The following FAM171A1 variants were observed in gnomAD, a reference collection of about 807,000 sequenced individuals.
FAM171A1 encodes the protein protein FAM171A1.
Under a neutral mutation model 74.9 loss-of-function variants are expected in FAM171A1, and 23 were observed. That is an observed-to-expected ratio of 0.31 (90% CI 0.22 to 0.44). The LOEUF (loss-of-function observed/expected upper bound fraction) is 0.44, where lower values mean the gene tolerates loss of function less well. Ranked by LOEUF, FAM171A1 falls within the 20% of genes least tolerant of loss-of-function variation. The pLI, the probability that FAM171A1 is intolerant of heterozygous loss-of-function variation, is 1.00. For missense variants in FAM171A1, 1,162 were observed against 1,159.2 expected, an observed-to-expected ratio of 1.00 and a Z score of -0.03; for synonymous variants, 527 against 505.7, an observed-to-expected ratio of 1.04 and a Z score of -0.57.
chr10:15,317,543 C>T (rs552779664), intron 1 of FAM171A1, among the ~76,000 whole-genome samples: 105 of 151,050 alleles, frequency 7.0e-4, no homozygotes, highest in African/African-American at 2.3e-3. Flanking sequence ...TACAGGCATG[C>T]GCCACCACGC....
At position 15,213,061 on chromosome 10, in the gene FAM171A1, G is replaced by C; in HGVS notation, c.2527C>G (p.Pro843Ala). 1 of 1,613,702 alleles carries C rather than the reference G, an allele frequency of 6.2e-7. No homozygotes were observed. The highest frequency in any genetic ancestry group is 8.5e-7 in the Non-Finnish European group (1 of 1,179,902). Residue 843 changes from proline to alanine, a missense_variant, in exon 8 of 8, where the codon CCC becomes GCC. Pro to Ala is a conservative substitution (Grantham distance 27). Coordinates refer to ENST00000378116, the MANE Select transcript of FAM171A1 (RefSeq NM_001010924.2). The surrounding 1 kb of genome is among the most constrained non-coding windows in gnomAD (Gnocchi z 6.8). Reference protein sequence around the residue: ...EETTRRTADAPSEPAASPHQR... With the variant: ...EETTRRTADAASEPAASPHQR... ...TGGGGGCTGGCTGCTGGCTCCGAGG[G>C]GGCATCCGCAGTCCGTCTGGTCGTC... is the stretch of plus-strand genomic sequence containing the variant.
intron 1 of FAM171A1, among the ~76,000 whole-genome samples, chr10:15,311,678 G>GGGA (rs1314630203): frequency 5.3e-5 from 8 of 151,922 alleles, no homozygotes; most frequent in African/African-American, 1.9e-4. Context: ...CACCCCACCT[G>GGGA]GGAGGCATAG....
intron 1 of FAM171A1, among the ~76,000 whole-genome samples, chr10:15,304,353 T>C (rs1187216660): frequency 6.6e-6 from 1 of 152,138 alleles, no homozygotes; most frequent in Non-Finnish European, 1.5e-5. Context: ...TCGGTGAGCA[T>C]GACTTTCACC....
intron 1 of FAM171A1, among the ~76,000 whole-genome samples, chr10:15,298,989 C>T (rs188127463): frequency 2.3e-4 from 35 of 152,250 alleles, no homozygotes; most frequent in African/African-American, 6.7e-4. Context: ...GGCATGATCT[C>T]GGCTCACTGC....
chr10:15,372,857 A>G (rs1418794262), upstream of FAM171A1, among the ~76,000 whole-genome samples: 1 of 151,970 alleles, frequency 6.6e-6, no homozygotes, highest in East Asian at 1.9e-4. Context: ...TGCCTTCCAC[A>G]CAACCTTCAC....
intron 1 of FAM171A1, among the ~76,000 whole-genome samples, chr10:15,329,404 T>C (rs1180835094): frequency 1.8e-4 from 27 of 152,104 alleles, no homozygotes; most frequent in Admixed American, 1.8e-3. Context: ...ATCCCAGCAC[T>C]TTGTGAGGCC....
intron 5 of FAM171A1, among the ~76,000 whole-genome samples, chr10:15,225,822 C>G (rs563184126): frequency 1.3e-5 from 2 of 152,202 alleles, no homozygotes; most frequent in African/African-American, 4.8e-5. Flanking sequence ...TGCAAGGCCT[C>G]TCAAGTCGGC....
Position 15,212,815 on chromosome 10 carries a change from C to T in FAM171A1, c.*100G>A. On this transcript the variant is annotated 3_prime_UTR_variant, in exon 8 of 8. Coordinates refer to ENST00000378116, the MANE Select transcript of FAM171A1 (RefSeq NM_001010924.2). ...GTAAACGTCCACGTCCGTCCCACGG[C>T]TGGGCTGCCGTTCCGTTTCCTCCAC... 6.8e-7 allele frequency: 1 copy of T among 1,478,834 alleles called. No individual in the cohort carries two copies. The highest frequency in any genetic ancestry group is 9.1e-7 in the Non-Finnish European group (1 of 1,096,410). 91.6% of individuals were successfully genotyped at this position (1,478,834 alleles called of 1,614,324 possible). A position where few individuals can be genotyped will look rare whatever the true frequency, so the allele number is the denominator to read the frequency against.
chr10:15,290,426 G>T (rs576130506), intron 1 of FAM171A1, among the ~76,000 whole-genome samples: 1 of 152,222 alleles, frequency 6.6e-6, no homozygotes, highest in Admixed American at 6.5e-5. Context: ...CTGCAGTAAG[G>T]TGGATTCAAG....
chr10:15,279,778 C>T (rs1456583802), intron 2 of FAM171A1, among the ~76,000 whole-genome samples: 1 of 152,108 alleles, frequency 6.6e-6, no homozygotes, highest in East Asian at 1.9e-4. Context: ...ATTAGCCAGG[C>T]ATGGTGGCGT....
In FAM171A1 at chr10:15,213,865, T is replaced by G. The variant is rs754916707; in HGVS notation, c.1723A>C (p.Arg575=). 4 of 1,614,164 alleles carry G rather than the reference T, an allele frequency of 2.5e-6. No homozygotes were observed. The highest frequency in any genetic ancestry group is 3.3e-4 in the Middle Eastern group (2 of 6,062). Residue 575 remains arginine (R), a synonymous_variant, in exon 8 of 8, where the codon AGG becomes CGG. Coordinates refer to ENST00000378116, the MANE Select transcript of FAM171A1 (RefSeq NM_001010924.2). This position sits in a 1 kb window ranked among gnomAD's most constrained non-coding sequence, Gnocchi z 6.8. ...SVDQVNDSVY[R]KVLPALVIPA... ...ATGACCAAGGCAGGCAGTACTTTCCTGTAAACGCTGTCATTGACCTGGTCG... is the reference window on the plus strand; with the variant it reads ...ATGACCAAGGCAGGCAGTACTTTCCGGTAAACGCTGTCATTGACCTGGTCG...
At chr10:15,320,460 G>T (rs1835473918) in intron 1 of FAM171A1, among the ~76,000 whole-genome samples, 1 of 152,166 alleles carries the variant, frequency 6.6e-6, no homozygotes. Context: ...ATGGCAGAAC[G>T]ATTTATATTC....
intron 1 of FAM171A1, among the ~76,000 whole-genome samples, chr10:15,333,398 G>A (rs1485827924): frequency 6.6e-6 from 1 of 152,226 alleles, no homozygotes; most frequent in Non-Finnish European, 1.5e-5. Context: ...TACCTGGGAG[G>A]CTAGGACAGG....
Position 15,213,860 on chromosome 10 carries a change from T to C in FAM171A1, c.1728A>G (p.Lys576=), listed in dbSNP as rs749215136. The change falls in exon 8 of 8, where the codon AAA becomes AAG. Residue 576 remains lysine, a synonymous_variant. Coordinates refer to ENST00000378116, the MANE Select transcript of FAM171A1 (RefSeq NM_001010924.2). This position sits in a 1 kb window ranked among gnomAD's most constrained non-coding sequence, Gnocchi z 6.8. ...CCGGGATGACCAAGGCAGGCAGTAC[T>C]TTCCTGTAAACGCTGTCATTGACCT... The part of the protein sequence containing the change: ...VDQVNDSVYR[K]VLPALVIPAH... The C allele has an allele frequency of 6.2e-7, 1 of 1,614,026 alleles. No individual in the cohort carries two copies. Among genetic ancestry groups the C allele is most frequent in the East Asian group, 2.2e-5 (1 of 44,890 alleles).
chr10:15,285,083 G>T (rs1292978490), intron 1 of FAM171A1, among the ~76,000 whole-genome samples: 2 of 152,178 alleles, frequency 1.3e-5, no homozygotes, highest in Non-Finnish European at 2.9e-5. Flanking sequence ...ACTCAGGCAA[G>T]GGATAGTTAC....
Position 15,371,071 on chromosome 10 carries a change from G to C in FAM171A1, c.-19C>G, listed in dbSNP as rs1438890718. 9.5e-7 allele frequency: 1 copy of C among 1,047,762 alleles called. No individual in the cohort carries two copies. Among genetic ancestry groups the C allele is most frequent in the Non-Finnish European group, 1.2e-6 (1 of 863,050 alleles). 64.9% of individuals were successfully genotyped at this position (1,047,762 alleles called of 1,614,324 possible). ...TGCTCATCTCCGCCGCGGGGCCGGC[G>C]GCGGCTCGGGCTCGCCGAGAGCGGG... On this transcript the variant is annotated 5_prime_UTR_variant, in exon 1 of 8. Coordinates refer to ENST00000378116, the MANE Select transcript of FAM171A1 (RefSeq NM_001010924.2).
At position 15,278,855 on chromosome 10, in the gene FAM171A1, G is replaced by A. The variant is rs111903338; in HGVS notation, c.326-2908C>T. Among the ~76,000 whole-genome samples the A allele has an allele frequency of 7.9e-5, 12 of 152,238 alleles. 1 individual carries two copies. The highest frequency in any genetic ancestry group is 1.9e-4 in the East Asian group (1 of 5,172). ...AGGAACCCCAACTTGGGTAAATCCC[G>A]CATGACCACTTCGTAGGTAAACTAT... On this transcript the variant is annotated intron_variant, in intron 2 of 7. Coordinates refer to ENST00000378116, the MANE Select transcript of FAM171A1 (RefSeq NM_001010924.2).
intron 5 of FAM171A1, among the ~76,000 whole-genome samples, chr10:15,227,088 C>T (rs1030492618): frequency 1.3e-5 from 2 of 152,150 alleles, no homozygotes; most frequent in Admixed American, 1.3e-4. Flanking sequence ...CAACCTCTGC[C>T]TCCTGGGTTC....
chr10:15,235,861 C>T (rs1293123799), intron 5 of FAM171A1, among the ~76,000 whole-genome samples: 1 of 152,084 alleles, frequency 6.6e-6, no homozygotes, highest in African/African-American at 2.4e-5. Flanking sequence ...ACTGGGGAAA[C>T]CTTGGATACC....
Sources: allele counts gnomAD v4.1 joint callset (sites outside exome capture counted in the v4.1 genomes callset), GRCh38; gene constraint gnomAD v4.1.1; non-coding constraint Gnocchi (gnomAD v3.1); transcripts MANE v1.5; gene names NCBI Gene and HGNC (gene_info 2026-07-23, HGNC 2026-07-21).